The following RBFOX1 variants were observed in gnomAD, a reference collection of about 807,000 sequenced individuals.
RBFOX1 encodes RNA binding protein fox-1 homolog 1.
In RBFOX1, 8 loss-of-function variants were observed where a neutral mutation model predicts 57.7. The ratio of observed to expected loss-of-function variants is 0.14; its 90% CI spans 0.08 to 0.25. The LOEUF (loss-of-function observed/expected upper bound fraction) is 0.25, where lower values mean the gene tolerates loss of function less well. Among genes scored for constraint, RBFOX1 ranks in the 10% least tolerant of loss-of-function variants. The pLI is 1.00. For missense variants in RBFOX1, 611 were observed against 548.5 expected, an observed-to-expected ratio of 1.11 and a Z score of -1.14; for synonymous variants, 326 against 222.4, an observed-to-expected ratio of 1.47 and a Z score of -4.15.
intron 1 of RBFOX1, among the ~76,000 whole-genome samples, chr16:6,275,812 C>T (rs1277857191): frequency 6.6e-6 from 1 of 152,070 alleles, no homozygotes; most frequent in Non-Finnish European, 1.5e-5. Flanking sequence ...ATAAAGGTAA[C>T]TGACCTTGTG....
intron 1 of RBFOX1, among the ~76,000 whole-genome samples, chr16:6,142,563 G>A (rs1224292090): frequency 6.6e-6 from 1 of 152,112 alleles, no homozygotes; most frequent in Non-Finnish European, 1.5e-5. Flanking sequence ...AACATTCCAA[G>A]TTCCCCTAGA....
chr16:5,840,704 G>A (rs187207223), intron 3 of RBFOX1, among the ~76,000 whole-genome samples: 1 of 152,204 alleles, frequency 6.6e-6, no homozygotes, highest in African/African-American at 2.4e-5. Context: ...GGAGATGTGT[G>A]TAGGTGAAGC....
intron 3 of RBFOX1, among the ~76,000 whole-genome samples, chr16:6,898,286 C>T (rs776257639): frequency 6.6e-6 from 1 of 152,080 alleles, no homozygotes; most frequent in African/African-American, 2.4e-5. Context: ...TGCCATCTGA[C>T]CCCTGCCCCT....
chr16:7,408,257 C>T (rs147486772), intron 4 of RBFOX1, among the ~76,000 whole-genome samples: 1 of 152,062 alleles, frequency 6.6e-6, no homozygotes, highest in East Asian at 1.9e-4. Context: ...TTTTTTTTCT[C>T]AGCTATGTTT....
At chr16:5,912,836 A>G (rs998097894) in intron 4 of RBFOX1, among the ~76,000 whole-genome samples, 7 of 152,168 alleles carry the variant, frequency 4.6e-5, no homozygotes, top group Non-Finnish European at 7.4e-5. Flanking sequence ...GTGAAGTTCT[A>G]ATGAGGAAAA....
chr16:6,645,498 G>A (rs2098526465), intron 2 of RBFOX1, among the ~76,000 whole-genome samples: 2 of 151,948 alleles, frequency 1.3e-5, no homozygotes. Flanking sequence ...TTGCATTGTG[G>A]GCATGAATAA....
At chr16:7,033,720 G>C (rs566233130) in intron 3 of RBFOX1, among the ~76,000 whole-genome samples, 1 of 152,140 alleles carries the variant, frequency 6.6e-6, no homozygotes, top group Non-Finnish European at 1.5e-5. Flanking sequence ...TTGTCCGGGC[G>C]TGGCGACTTA....
chr16:5,261,556 T>TG (rs2062733701), intron 1 of RBFOX1, among the ~76,000 whole-genome samples: 1 of 149,880 alleles, frequency 6.7e-6, no homozygotes, highest in Non-Finnish European at 1.5e-5. Flanking sequence ...ATGGTTTTTT[T>TG]TTTTTTTTTT....
At chr16:7,424,448 CAG>C (rs1346956641) in intron 4 of RBFOX1, among the ~76,000 whole-genome samples, 1 of 152,202 alleles carries the variant, frequency 6.6e-6, no homozygotes, top group East Asian at 1.9e-4. Context: ...TTAGTAGAGA[CAG>C]GGTTGCGCCA....
chr16:7,336,504 T>C (rs1466574484), intron 4 of RBFOX1, among the ~76,000 whole-genome samples: 2 of 152,240 alleles, frequency 1.3e-5, no homozygotes, highest in Non-Finnish European at 2.9e-5. Flanking sequence ...ATTTGTTCCT[T>C]CAGTTATCCA....
At chr16:5,459,446 C>G (rs551461719) in intron 1 of RBFOX1, among the ~76,000 whole-genome samples, 18 of 152,232 alleles carry the variant, frequency 1.2e-4, no homozygotes, top group African/African-American at 3.9e-4. Context: ...TCTCAGGTCC[C>G]CAGATCCATG....
At chr16:6,882,959 C>T (rs1426937460) in intron 3 of RBFOX1, among the ~76,000 whole-genome samples, 2 of 152,150 alleles carry the variant, frequency 1.3e-5, no homozygotes, top group Non-Finnish European at 2.9e-5. Context: ...CCTGCTTTAG[C>T]AATCAATAAA....
intron 2 of RBFOX1, among the ~76,000 whole-genome samples, chr16:6,519,328 T>A (rs1013871115): frequency 6.6e-6 from 1 of 152,142 alleles, no homozygotes; most frequent in Non-Finnish European, 1.5e-5. Context: ...TTGCAGTTAA[T>A]ACTTCCTTTT....
At chr16:5,820,074 T>A (rs1476021956) in intron 3 of RBFOX1, among the ~76,000 whole-genome samples, 1 of 152,220 alleles carries the variant, frequency 6.6e-6, no homozygotes, top group Non-Finnish European at 1.5e-5. Context: ...TCTGAGACAT[T>A]GCGCTTCTGC....
chr16:5,874,141 C>T (rs55683331), intron 4 of RBFOX1, among the ~76,000 whole-genome samples: 22,977 of 152,152 alleles, frequency 0.15, 2,293 homozygotes, highest in Non-Finnish European at 0.22. Context: ...GTTTGGCAGT[C>T]GTGCCATCAT....
At chr16:5,299,773 A>C (rs1342831441) in intron 1 of RBFOX1, among the ~76,000 whole-genome samples, 2 of 152,026 alleles carry the variant, frequency 1.3e-5, no homozygotes, top group Non-Finnish European at 2.9e-5. Context: ...TGTAATTTTT[A>C]TGCATGTTTC....
In RBFOX1 at chr16:6,619,672, A is replaced by G. The variant is rs1202922351; in HGVS notation, c.-63-34931A>G. On this transcript the variant is annotated intron_variant, in intron 2 of 15. Coordinates refer to ENST00000550418, the MANE Select transcript of RBFOX1 (RefSeq NM_018723.4). ...CTCTCTGCTTCTCAAAACTGCTTTC[A>G]TCTTTGTTGGTTTCCTTTTTTTTTT... 6.5e-5 allele frequency among the ~76,000 whole-genome samples: 9 copies of G among 138,822 alleles called. No homozygotes were observed. In the Admixed American group the frequency reaches 6.5e-4, roughly 10 times the overall value. The allele number at this position is 138,822 out of a possible 152,430, so 91.1% of individuals were successfully genotyped here.
intron 1 of RBFOX1, among the ~76,000 whole-genome samples, chr16:6,252,088 C>A (rs1051147205): frequency 6.6e-6 from 1 of 152,112 alleles, no homozygotes; most frequent in Non-Finnish European, 1.5e-5. Context: ...TAAGCATCCT[C>A]ATGTTCTTCT....
At chr16:5,301,041 G>A (rs1461431904) in intron 1 of RBFOX1, among the ~76,000 whole-genome samples, 1 of 152,168 alleles carries the variant, frequency 6.6e-6, no homozygotes, top group Admixed American at 6.5e-5. Flanking sequence ...ACATCCTTGT[G>A]TAATCTCCTC....
Sources: gnomAD v4.1 joint callset for allele counts (sites outside exome capture counted in the v4.1 genomes callset) on GRCh38, gnomAD v4.1.1 for gene constraint, MANE v1.5 for transcripts, NCBI Gene and HGNC (gene_info 2026-07-23, HGNC 2026-07-21) for gene names.